RHOBTB2: variants seen among roughly 807,000 people sequenced by gnomAD.
The protein encoded by RHOBTB2 is Rho related BTB domain containing 2, also known as rho-related BTB domain-containing protein 2.
A neutral mutation model predicts 66.5 loss-of-function variants in RHOBTB2; 39 were observed. The ratio of observed to expected loss-of-function variants is 0.59; its 90% CI spans 0.45 to 0.77. The LOEUF is 0.77. Among genes scored for constraint, RHOBTB2 ranks in the 30% least tolerant of loss-of-function variants. The pLI is 0.00. For synonymous variants in RHOBTB2, 390 were observed against 395.0 expected (o/e 0.99, Z 0.15); for missense variants, 755 against 999.1 (o/e 0.76, Z 3.29).
intron 6 of RHOBTB2, among the ~76,000 whole-genome samples, chr8:23,008,688 CTG>C (rs1346739791): frequency 6.6e-6 from 1 of 152,142 alleles, no homozygotes; most frequent in East Asian, 1.9e-4. Context: ...TGGGGAAGCT[CTG>C]GGGTCAATCA....
In RHOBTB2 at chr8:23,004,360, C is replaced by G; in HGVS notation, c.-10-65C>G. The G allele has an allele frequency of 7.1e-7, 1 of 1,402,712 alleles. No homozygotes were observed. Among genetic ancestry groups the G allele is most frequent in the Non-Finnish European group, 1.0e-6 (1 of 992,010 alleles). 86.9% of individuals were successfully genotyped at this position (1,402,712 alleles called of 1,614,324 possible). A position where few individuals can be genotyped will look rare whatever the true frequency, so the allele number is the denominator to read the frequency against. On this transcript the variant is annotated intron_variant, in intron 1 of 9. Transcript: ENST00000251822. The surrounding 1 kb of genome is among the most constrained non-coding windows in gnomAD (Gnocchi z 6.4). ...GCCTGGCTGAGGAGAGCTGCGGGTGCTGGCCCTGGCCCACGGCGAGCTGGC... is the reference window on the plus strand; with the variant it reads ...GCCTGGCTGAGGAGAGCTGCGGGTGGTGGCCCTGGCCCACGGCGAGCTGGC...
the RHOBTB2 span, among the ~76,000 whole-genome samples, chr8:22,968,538 G>A: frequency 6.6e-6 from 1 of 152,108 alleles, no homozygotes; most frequent in Non-Finnish European, 1.5e-5. Flanking sequence ...AAGAGTCAAT[G>A]TGGCAGAATA....
chr8:22,976,398 C>A, the RHOBTB2 span, among the ~76,000 whole-genome samples: 1 of 151,834 alleles, frequency 6.6e-6, no homozygotes, highest in African/African-American at 2.4e-5. Context: ...GAAGACGGGA[C>A]AAAAAGAGCT....
At chr8:23,014,619 G>T in intron 7 of RHOBTB2, 71 bp from the exon 8 acceptor site, 1 of 1,373,920 alleles carries the variant, frequency 7.3e-7, no homozygotes, top group Non-Finnish European at 1.0e-6. Flanking sequence ...AGTGAGCTGG[G>T]GGATGTGGTG....
At position 23,013,617 on chromosome 8, in the gene RHOBTB2, G is replaced by A. The variant is rs960812332; in HGVS notation, c.1772-1073G>A. Reference sequence around the variant, plus strand: ...TTCAGGAGATTCTCATGCCTCAGTCGCCCGAGTAGCTGGGATTACAGGCAC... The same window carrying A: ...TTCAGGAGATTCTCATGCCTCAGTCACCCGAGTAGCTGGGATTACAGGCAC... On this transcript the variant is annotated intron_variant, in intron 7 of 9. Transcript: ENST00000251822. 4.0e-5 allele frequency among the ~76,000 whole-genome samples: 6 copies of A among 150,844 alleles called. 1 individual carries two copies. Among genetic ancestry groups the A allele is most frequent in the Middle Eastern group, 7.0e-3 (2 of 284 alleles).
At chr8:22,995,811 A>T (rs1810534834), upstream of RHOBTB2, 14 of 1,547,862 alleles carry the variant, frequency 9.0e-6, no homozygotes, top group Admixed American at 3.9e-5. Context: ...GGCGGAGCTC[A>T]TGTCACAAGG....
intron 6 of RHOBTB2, among the ~76,000 whole-genome samples, chr8:23,009,081 AG>A: frequency 6.6e-6 from 1 of 151,206 alleles, no homozygotes; most frequent in South Asian, 2.1e-4. Flanking sequence ...CAGCACTTTG[AG>A]GGGCTGAGGT....
intron 7 of RHOBTB2, among the ~76,000 whole-genome samples, chr8:23,014,273 T>C (rs974022221): frequency 1.2e-4 from 18 of 152,232 alleles, no homozygotes; most frequent in African/African-American, 4.3e-4. Flanking sequence ...AAAATTTAAA[T>C]TAAAACAAAC....
rs765910930 is a variant in RHOBTB2 at position 23,005,413 on chromosome 8, C to G, written c.234C>G (p.Val78=). The G allele has an allele frequency of 1.4e-5, 22 of 1,613,972 alleles. No homozygotes were observed. The Admixed American group carries it at 3.3e-4, about 24-fold the overall frequency. ...GAGACGTGGTAGATGATGTCAGCGT[C>G]TCTCTGCGCCTCTGGGACACCTTTG... is the stretch of plus-strand genomic sequence containing the variant. ...RSRDVVDDVS[V]SLRLWDTFGD... The change falls in exon 3 of 10, where the codon GTC becomes GTG. Residue 78 remains valine, a synonymous_variant. Coordinates refer to ENST00000251822, the MANE Select transcript of RHOBTB2 (RefSeq NM_015178.3).
At chr8:23,005,296 G>A in intron 2 of RHOBTB2, 76 bp from the exon 3 acceptor site, 1 of 1,100,138 alleles carries the variant, frequency 9.1e-7, no homozygotes, top group Non-Finnish European at 1.4e-6. Context: ...GTGTCAGCCG[G>A]CGCTTATCCT....
At chr8:23,012,369 T>C (rs1166083493) in intron 7 of RHOBTB2, among the ~76,000 whole-genome samples, 1 of 152,232 alleles carries the variant, frequency 6.6e-6, no homozygotes, top group East Asian at 1.9e-4. Context: ...GAAAGGCTTA[T>C]TGAAAATAAT....
chr8:22,973,924 C>T, the RHOBTB2 span, among the ~76,000 whole-genome samples: 2 of 152,002 alleles, frequency 1.3e-5, no homozygotes, highest in South Asian at 2.1e-4. Flanking sequence ...CCCTCCCACG[C>T]CCCACCATTT....
At chr8:23,001,312 C>G (rs150093957) in intron 1 of RHOBTB2, among the ~76,000 whole-genome samples, 2,634 of 150,384 alleles carry the variant, frequency 0.018, 34 homozygotes, top group Middle Eastern at 0.044. Flanking sequence ...AAGAGAGAGC[C>G]GGAGGGAGAG....
chr8:22,988,221 G>A (rs1356482825), intron 1 of RHOBTB2, among the ~76,000 whole-genome samples: 3 of 138,926 alleles, frequency 2.2e-5, no homozygotes, highest in Non-Finnish European at 4.6e-5. Flanking sequence ...GTGCAATGGC[G>A]CAATCTCGGC....
chr8:23,004,545 T>A lies in RHOBTB2; in HGVS notation c.111T>A (p.Asn37Lys). The change falls in exon 2 of 10, where the codon AAT (asparagine) becomes AAA (lysine). Residue 37 changes from asparagine to lysine, a missense_variant. Physicochemically the swap from Asn to Lys is moderately conservative, Grantham distance 94. Coordinates refer to ENST00000251822, the MANE Select transcript of RHOBTB2 (RefSeq NM_015178.3). This position sits in a 1 kb window ranked among gnomAD's most constrained non-coding sequence, Gnocchi z 6.4. ...GGCTCATCTGTGCCCGCGCTTGCAA[T>A]GCCACCCTCACCCAGTACCAGCTGC... ...KTRLICARACNATLTQYQLLA... is the reference protein window; with the variant it reads ...KTRLICARACKATLTQYQLLA... 6.2e-7 allele frequency: 1 copy of A among 1,614,164 alleles called. No homozygotes were observed. Among genetic ancestry groups the A allele is most frequent in the Non-Finnish European group, 8.5e-7 (1 of 1,180,022 alleles).
In RHOBTB2 at chr8:23,006,947, AC is replaced by A. The variant is rs1563291444; in HGVS notation, c.708del (p.Lys237SerfsTer64). 11 of 1,611,060 alleles carry A rather than the reference AC, an allele frequency of 6.8e-6. No homozygotes were observed. The highest frequency in any genetic ancestry group is 2.7e-5 in the African/African-American group (2 of 74,620). ...GGCCTCTGCTGCAGGCACCCTTCCTACCCCCCAAGCCACCGCCCCCGATCAT... is the reference window on the plus strand; with the variant it reads ...GGCCTCTGCTGCAGGCACCCTTCCTACCCCCAAGCCACCGCCCCCGATCAT... ...QRPLLQAPFL[P>X]PKPPPPIIVV... On this transcript the variant is annotated frameshift_variant, in exon 5 of 10. Coordinates refer to ENST00000251822, the MANE Select transcript of RHOBTB2 (RefSeq NM_015178.3). LOFTEE classifies it high-confidence loss of function. This position sits in a 1 kb window ranked among gnomAD's most constrained non-coding sequence, Gnocchi z 6.1.
At chr8:22,996,590 G>A (rs76921738), upstream of RHOBTB2, among the ~76,000 whole-genome samples, 6,081 of 133,528 alleles carry the variant, frequency 0.046, 545 homozygotes, top group African/African-American at 0.16. Flanking sequence ...TGTATGTAAC[G>A]GAATGGAGGA....
chr8:22,982,100 C>A, the RHOBTB2 span, among the ~76,000 whole-genome samples: 1 of 152,374 alleles, frequency 6.6e-6, no homozygotes. Context: ...CTCCAGTGAC[C>A]TCTGGCTCTG....
At chr8:23,008,167 C>A (rs1811032268) in intron 6 of RHOBTB2, 56 bp downstream of exon 6, 8 of 1,200,576 alleles carry the variant, frequency 6.7e-6, no homozygotes, top group Non-Finnish European at 8.4e-6. Context: ...GCACCCTTTA[C>A]ATCTGAGGCA....
Sources: allele counts gnomAD v4.1 joint callset (sites outside exome capture counted in the v4.1 genomes callset), GRCh38; gene constraint gnomAD v4.1.1; non-coding constraint Gnocchi (gnomAD v3.1); transcripts MANE v1.5; gene names NCBI Gene and HGNC (gene_info 2026-07-23, HGNC 2026-07-21).